CDK14: variants seen among roughly 807,000 people sequenced by gnomAD.
The protein encoded by CDK14 is cyclin dependent kinase 14.
In CDK14, 34 loss-of-function variants were observed where a neutral mutation model predicts 60.7. That is an observed-to-expected ratio of 0.56 (90% CI 0.43 to 0.75). The LOEUF (loss-of-function observed/expected upper bound fraction) is 0.75, where lower values mean the gene tolerates loss of function less well. Among genes scored for constraint, CDK14 ranks in the 30% least tolerant of loss-of-function variants. The pLI is 0.00. For missense variants in CDK14, 482 were observed against 564.1 expected (o/e 0.85, Z 1.47); for synonymous variants, 197 against 203.7 (o/e 0.97, Z 0.28).
intron 5 of CDK14, among the ~76,000 whole-genome samples, chr7:90,822,570 C>G (rs1789587214): frequency 6.6e-6 from 1 of 152,106 alleles, no homozygotes; most frequent in African/African-American, 2.4e-5. Flanking sequence ...TTTTGCTGCC[C>G]AGTAACTCTC....
At chr7:90,848,076 TG>T (rs1157161102) in intron 5 of CDK14, among the ~76,000 whole-genome samples, 1 of 151,954 alleles carries the variant, frequency 6.6e-6, no homozygotes. Flanking sequence ...ATGTTGGGGG[TG>T]GGGTCTGTCA....
intron 14 of CDK14, among the ~76,000 whole-genome samples, chr7:91,194,112 T>G (rs1402700069): frequency 6.6e-6 from 1 of 152,124 alleles, no homozygotes; most frequent in Non-Finnish European, 1.5e-5. Flanking sequence ...CAGACATACA[T>G]CAGTCCCTAC....
At chr7:90,699,574 A>C (rs1282892775) in intron 2 of CDK14, among the ~76,000 whole-genome samples, 1 of 152,190 alleles carries the variant, frequency 6.6e-6, no homozygotes, top group Non-Finnish European at 1.5e-5. Flanking sequence ...TGTTGAAGTT[A>C]GTGCCCCAGT....
chr7:90,729,325 G>A (rs951156521), intron 3 of CDK14, among the ~76,000 whole-genome samples: 5 of 123,484 alleles, frequency 4.0e-5, no homozygotes, highest in African/African-American at 1.5e-4. Context: ...CTTATGCCTT[G>A]GATCATGTAG....
At chr7:90,768,143 C>T (rs17163160) in intron 4 of CDK14, among the ~76,000 whole-genome samples, 31,234 of 152,060 alleles carry the variant, frequency 0.21, 3,357 homozygotes, top group South Asian at 0.24. Flanking sequence ...AAAAAGGGCT[C>T]GTTTAATTAG....
At chr7:90,954,455 A>G (rs1584162975) in intron 8 of CDK14, among the ~76,000 whole-genome samples, 1 of 152,144 alleles carries the variant, frequency 6.6e-6, no homozygotes, top group East Asian at 1.9e-4. Context: ...TTTTTCTTTT[A>G]AAAAATGACA....
chr7:90,634,466 C>T (rs990686774), intron 2 of CDK14, among the ~76,000 whole-genome samples: 2 of 151,752 alleles, frequency 1.3e-5, no homozygotes, highest in Admixed American at 6.6e-5. Context: ...ATGAACTCAT[C>T]ATTTTTTATG....
At position 91,152,613 on chromosome 7, in the gene CDK14, A is replaced by G. The variant is rs138610198; in HGVS notation, c.*28+34405A>G. On this transcript the variant is annotated intron_variant, in intron 14 of 14. Coordinates refer to ENST00000380050, the MANE Select transcript of CDK14 (RefSeq NM_001287135.2). ...GTTCAATAAATCTTTATTGAGTACT[A>G]TGTGCTATGTGCTGGGGCTGTAAAG... Among the ~76,000 whole-genome samples the G allele has an allele frequency of 1.9e-3, 289 of 152,288 alleles. 1 individual carries two copies. The highest frequency in any genetic ancestry group is 6.4e-3 in the African/African-American group (268 of 41,556).
At chr7:90,764,857 C>T (rs867028271) in intron 4 of CDK14, among the ~76,000 whole-genome samples, 7 of 152,144 alleles carry the variant, frequency 4.6e-5, no homozygotes, top group Non-Finnish European at 2.9e-5. Context: ...ACTTAATGAT[C>T]CTAGAGATCT....
Position 91,063,403 on chromosome 7 carries a change from G to A in CDK14, c.1106-16029G>A, listed in dbSNP as rs79632306. Among the ~76,000 whole-genome samples the A allele has an allele frequency of 2.4e-4, 36 of 152,332 alleles. No individual in the cohort carries two copies. The East Asian group carries it at 4.1e-3, about 17-fold the overall frequency. ...CTGACTACTAATTATTCGCTCCGGC[G>A]TAAGATCTGATAAGATTTCCTTCAC... On this transcript the variant is annotated intron_variant, in intron 11 of 14. Coordinates refer to ENST00000380050, the MANE Select transcript of CDK14 (RefSeq NM_001287135.2).
intron 10 of CDK14, among the ~76,000 whole-genome samples, chr7:91,035,929 T>A (rs113543436): frequency 1.4e-5 from 2 of 146,526 alleles, no homozygotes; most frequent in African/African-American, 5.1e-5. Context: ...CTGCAAGCTC[T>A]GCTTCCCGGG....
chr7:90,702,041 A>T lies in CDK14; in HGVS notation c.124-24526A>T, dbSNP rs75165207. On this transcript the variant is annotated intron_variant, in intron 2 of 14. Coordinates refer to ENST00000380050, the MANE Select transcript of CDK14 (RefSeq NM_001287135.2). The stretch of plus-strand genomic sequence containing the variant: ...GCTGAAAAAGTCCCAGGGAAGGATT[A>T]CTCTAAGTTGGATTCCTTGTCTGTT... Among the ~76,000 whole-genome samples the T allele has an allele frequency of 0.013, 1,928 of 152,046 alleles. 112 individuals carry two copies. The East Asian group carries it at 0.15, about 12-fold the overall frequency.
At chr7:90,600,191 G>A (rs138920301) in intron 1 of CDK14, among the ~76,000 whole-genome samples, 9 of 152,280 alleles carry the variant, frequency 5.9e-5, no homozygotes, top group South Asian at 2.1e-4. Flanking sequence ...TAGTGTCAGC[G>A]TGGTTCCTTA....
At chr7:90,815,876 A>G (rs765347053) in intron 5 of CDK14, among the ~76,000 whole-genome samples, 10 of 149,528 alleles carry the variant, frequency 6.7e-5, no homozygotes, top group Non-Finnish European at 1.5e-4. Flanking sequence ...ATGAGAACAC[A>G]TGGACACAGG....
chr7:90,787,293 A>T (rs572746270), intron 4 of CDK14, among the ~76,000 whole-genome samples: 95 of 151,978 alleles, frequency 6.3e-4, no homozygotes, highest in African/African-American at 2.2e-3. Context: ...TGTCTGCTGG[A>T]TGCAAAAAGG....
At chr7:90,903,903 C>T (rs1025169713) in intron 7 of CDK14, among the ~76,000 whole-genome samples, 15 of 152,082 alleles carry the variant, frequency 9.9e-5, no homozygotes, top group Admixed American at 2.0e-4. Flanking sequence ...TTTGCTCAGA[C>T]GCAAGGAGGA....
chr7:90,799,005 T>A (rs1468449962), intron 5 of CDK14, among the ~76,000 whole-genome samples: 1 of 152,240 alleles, frequency 6.6e-6, no homozygotes, highest in African/African-American at 2.4e-5. Context: ...AAACAACTTT[T>A]AAGTGTTAAG....
At chr7:90,838,058 G>A (rs543203817) in intron 5 of CDK14, among the ~76,000 whole-genome samples, 48 of 152,156 alleles carry the variant, frequency 3.2e-4, no homozygotes, top group Non-Finnish European at 5.9e-4. Context: ...CGGTGGTCGA[G>A]TGTTGCAGGA....
chr7:90,661,348 A>G (rs1166275655), intron 2 of CDK14, among the ~76,000 whole-genome samples: 1 of 152,222 alleles, frequency 6.6e-6, no homozygotes, highest in African/African-American at 2.4e-5. Context: ...CTATTCATAG[A>G]CAGCTTACGT....
Sources: gnomAD v4.1 joint callset for allele counts (sites outside exome capture counted in the v4.1 genomes callset) on GRCh38, gnomAD v4.1.1 for gene constraint, MANE v1.5 for transcripts, NCBI Gene and HGNC (gene_info 2026-07-23, HGNC 2026-07-21) for gene names.